The following FOXN1 variants were observed in gnomAD, a reference collection of about 807,000 sequenced individuals.
The protein encoded by FOXN1 is forkhead box N1.
Under a neutral mutation model 49.0 loss-of-function variants are expected in FOXN1, and 15 were observed. The observed-to-expected ratio is 0.31, with a 90% CI of 0.20 to 0.47. FOXN1 has a LOEUF of 0.47. Ranked by LOEUF, FOXN1 falls within the 20% of genes least tolerant of loss-of-function variation. FOXN1 has a pLI of 1.00. For missense variants in FOXN1, 800 were observed against 842.8 expected (o/e 0.95, Z 0.63); for synonymous variants, 356 against 369.0 (o/e 0.96, Z 0.40).
chr17:28,536,986 A>G, intron 8 of FOXN1, 131 bp from the exon 9 acceptor site: 1 of 761,146 alleles, frequency 1.3e-6, no homozygotes, highest in Non-Finnish European at 2.4e-6. Flanking sequence ...AGCTAGTGCC[A>G]GGCTCTGTTC....
intron 5 of FOXN1, 30 bp from the exon 6 acceptor site, chr17:28,530,718 TC>T (rs764771520): frequency 1.5e-6 from 2 of 1,314,728 alleles, no homozygotes; most frequent in South Asian, 2.3e-5. Context: ...AGTCAGAGGT[TC>T]GGACTCTCAG....
At chr17:28,516,595 CATAGGGT>C (rs2069508850) in intron 1 of FOXN1, among the ~76,000 whole-genome samples, 1 of 149,894 alleles carries the variant, frequency 6.7e-6, no homozygotes, top group Non-Finnish European at 1.5e-5. Flanking sequence ...TCCATACCTC[CATAGGGT>C]ACACACCTCC....
At chr17:28,521,026 G>A (rs1050550846) in intron 1 of FOXN1, among the ~76,000 whole-genome samples, 4 of 152,234 alleles carry the variant, frequency 2.6e-5, no homozygotes, top group Admixed American at 1.3e-4. Flanking sequence ...GCCACACTTG[G>A]CCAGCAGTGG....
At chr17:28,527,224 C>A in intron 3 of FOXN1, 27 bp from the exon 4 acceptor site, 1 of 1,465,624 alleles carries the variant, frequency 6.8e-7, no homozygotes, top group Non-Finnish European at 9.6e-7. Context: ...AAGGCCTAAT[C>A]TAGTCATCTG....
chr17:28,511,237 C>CTTGCCTTGT (rs2069390360), intron 1 of FOXN1, among the ~76,000 whole-genome samples: 1 of 152,138 alleles, frequency 6.6e-6, no homozygotes, highest in African/African-American at 2.4e-5. Flanking sequence ...GGAGGTGCAC[C>CTTGCCTTGT]AGTATGTATT....
At chr17:28,529,287 G>T in intron 5 of FOXN1, 63 bp downstream of exon 5, 1 of 1,594,336 alleles carries the variant, frequency 6.3e-7, no homozygotes, top group East Asian at 2.2e-5. Context: ...TGGGAACACT[G>T]AGGCATGGAA....
intron 1 of FOXN1, among the ~76,000 whole-genome samples, chr17:28,523,304 C>T (rs904227604): frequency 2.0e-4 from 30 of 152,362 alleles, no homozygotes; most frequent in African/African-American, 6.5e-4. Context: ...GTGGTGACAT[C>T]GTCAGGGCCC....
chr17:28,528,955 T>G, intron 4 of FOXN1, 139 bp from the exon 5 acceptor site: 3 of 1,054,068 alleles, frequency 2.8e-6, no homozygotes, highest in Non-Finnish European at 2.9e-6. Context: ...AGCTCTGCTT[T>G]GGGGGTGATG....
chr17:28,529,121 ATACCCTACC>A lies in FOXN1; in HGVS notation c.729_737del (p.Ile243_Leu246delinsMet), dbSNP rs771878321. On this transcript the variant is annotated inframe_deletion, in exon 5 of 9. Transcript: ENST00000579795. The stretch of plus-strand genomic sequence containing the variant: ...CTCGCCAGGTGGTGGCAGCTACCCC[ATACCCTACC>A]TGGGCTCCTCACACTATCAGTACCA... The A allele has an allele frequency of 5.0e-6, 8 of 1,614,116 alleles. No homozygotes were observed. The East Asian group carries it at 8.9e-5, about 18-fold the overall frequency.
At chr17:28,530,976 A>C in intron 6 of FOXN1, 131 bp downstream of exon 6, 1 of 688,408 alleles carries the variant, frequency 1.5e-6, no homozygotes, top group Non-Finnish European at 2.7e-6. Flanking sequence ...TACCCCCACC[A>C]TGCTTTCCGT....
intron 1 of FOXN1, among the ~76,000 whole-genome samples, chr17:28,518,407 G>A (rs1040663843): frequency 2.6e-5 from 4 of 152,242 alleles, no homozygotes; most frequent in Non-Finnish European, 4.4e-5. Context: ...CTCTGCCTGA[G>A]TCCTAAGGAG....
chr17:28,510,125 A>T (rs534679205), intron 1 of FOXN1, among the ~76,000 whole-genome samples: 1 of 152,204 alleles, frequency 6.6e-6, no homozygotes, highest in African/African-American at 2.4e-5. Flanking sequence ...TGCAACAGAA[A>T]GCCCACTGCA....
intron 6 of FOXN1, 22 bp downstream of exon 6, chr17:28,530,867 A>G (rs757263962): frequency 7.5e-7 from 1 of 1,326,782 alleles, no homozygotes; most frequent in South Asian, 1.2e-5. Flanking sequence ...ATTCCTCCCC[A>G]TCCCATCACC....
chr17:28,522,814 G>A (rs2069667658), intron 1 of FOXN1, among the ~76,000 whole-genome samples: 1 of 151,652 alleles, frequency 6.6e-6, no homozygotes, highest in African/African-American at 2.4e-5. Context: ...CTCCAGCCTG[G>A]GTGACAGAGA....
rs774494770 is a variant in FOXN1 at position 28,534,970 on chromosome 17, C to A, written c.1399C>A (p.Pro467Thr). The stretch of plus-strand genomic sequence containing the variant: ...CTCACCAGGCCTGGCCCCTCCTGGA[C>A]CCCCGCAGCCATTGTTCCCACAGCC... ...HLSPGLAPPG[P>T]PQPLFPQPDG... The change falls in exon 8 of 9, where the codon CCC (proline) becomes ACC (threonine). Residue 467 changes from proline (P) to threonine (T), a missense_variant. By Grantham distance (38) the Pro-to-Thr change is conservative (BLOSUM62 -1). Coordinates refer to ENST00000579795, the MANE Select transcript of FOXN1 (RefSeq NM_001369369.1). This position sits in a 1 kb window ranked among gnomAD's most constrained non-coding sequence, Gnocchi z 4.1. 2 of 1,614,060 alleles carry A rather than the reference C, an allele frequency of 1.2e-6. No homozygotes were observed. The highest frequency in any genetic ancestry group is 1.1e-5 in the South Asian group (1 of 91,088).
chr17:28,513,393 TA>T (rs920027405), intron 1 of FOXN1, among the ~76,000 whole-genome samples: 19 of 151,706 alleles, frequency 1.3e-4, no homozygotes, highest in African/African-American at 3.7e-4. Flanking sequence ...ATACTTAAAA[TA>T]AAAAAATAAA....
intron 6 of FOXN1, 96 bp downstream of exon 6, chr17:28,530,941 T>C (rs562678897): frequency 4.3e-4 from 339 of 787,364 alleles, no homozygotes; most frequent in Admixed American, 1.4e-3. Flanking sequence ...GGGAGAAGAA[T>C]TAGAACGAAA....
intron 4 of FOXN1, among the ~76,000 whole-genome samples, chr17:28,528,586 G>A (rs943732795): frequency 2.0e-5 from 3 of 152,050 alleles, no homozygotes; most frequent in Non-Finnish European, 2.9e-5. Context: ...AACACCATCC[G>A]TGGCACCGCA....
At chr17:28,510,392 A>T (rs2069364023) in intron 1 of FOXN1, among the ~76,000 whole-genome samples, 1 of 151,938 alleles carries the variant, frequency 6.6e-6, no homozygotes, top group African/African-American at 2.4e-5. Context: ...ACACACACAG[A>T]CACACGCGCA....
Sources: gnomAD v4.1 joint callset for allele counts (sites outside exome capture counted in the v4.1 genomes callset) on GRCh38, gnomAD v4.1.1 for gene constraint, Gnocchi (gnomAD v3.1) non-coding constraint, MANE v1.5 for transcripts, NCBI Gene and HGNC (gene_info 2026-07-23, HGNC 2026-07-21) for gene names.